The following MICAL1 variants were observed in gnomAD, a reference collection of about 807,000 sequenced individuals.
MICAL1 encodes microtubule associated monooxygenase, calponin and LIM domain containing 1, also known as [F-actin]-monooxygenase MICAL1.
In MICAL1, 95 loss-of-function variants were observed where a neutral mutation model predicts 131.8. The observed-to-expected ratio is 0.72, with a 90% CI of 0.61 to 0.86. The LOEUF (loss-of-function observed/expected upper bound fraction) is 0.86, where lower values mean the gene tolerates loss of function less well. Among genes scored for constraint, MICAL1 ranks in the 40% least tolerant of loss-of-function variants. The pLI is 0.00. For missense variants in MICAL1, 1,292 were observed against 1,380.6 expected, an observed-to-expected ratio of 0.94 and a Z score of 1.02; for synonymous variants, 546 against 554.2, an observed-to-expected ratio of 0.99 and a Z score of 0.21.
Position 109,453,737 on chromosome 6 carries a change from T to C in MICAL1, c.367A>G (p.Asn123Asp), listed in dbSNP as rs199816639. 13 of 1,613,774 alleles carry C rather than the reference T, an allele frequency of 8.1e-6. 1 individual carries two copies. In the Admixed American group the frequency reaches 8.3e-5, roughly 10 times the overall value. Residue 123 changes from asparagine (N) to aspartate (D), a missense_variant, in exon 3 of 25, where the codon AAC (asparagine) becomes GAC (aspartate). Transcript: ENST00000358807. ...VEKRTKFSRH[N>D]VLHLWPFTIH... The stretch of plus-strand genomic sequence containing the variant: ...GTGAAGGGCCAGAGGTGGAGCACGT[T>C]GTGGCGAGAGAACTTGGTGCGCTTT...
rs1775718047 is a variant in MICAL1, at chr6:109,455,664, C to A, written c.-44+55G>T. On this transcript the variant is annotated intron_variant, in intron 1 of 24. Coordinates refer to ENST00000358807, the MANE Select transcript of MICAL1 (RefSeq NM_022765.4). The surrounding 1 kb of genome is among the most constrained non-coding windows in gnomAD (Gnocchi z 4.7). ...AGCTGCGTTTCCCCGGAAGCGCACCCCACCTCACCCCACCCGGCCGCGGGG... is the reference window on the plus strand; with the variant it reads ...AGCTGCGTTTCCCCGGAAGCGCACCACACCTCACCCCACCCGGCCGCGGGG... The A allele has an allele frequency of 2.0e-6, 2 of 981,214 alleles. No individual in the cohort carries two copies. The highest frequency in any genetic ancestry group is 9.4e-5 in the South Asian group (2 of 21,212). The allele number at this position is 981,214 out of a possible 1,614,324, so 60.8% of individuals were successfully genotyped here.
At chr6:109,454,261 G>A in intron 1 of MICAL1, 22 bp from the exon 2 acceptor site, 4 of 1,534,430 alleles carry the variant, frequency 2.6e-6, no homozygotes, top group Non-Finnish European at 3.5e-6. Flanking sequence ...GAAAAAGAAG[G>A]GGAAGAGGCT....
chr6:109,448,454 G>T, intron 12 of MICAL1, 61 bp from the exon 13 acceptor site: 1 of 1,580,884 alleles, frequency 6.3e-7, no homozygotes, highest in Non-Finnish European at 8.6e-7. Context: ...CTGAGGGGAG[G>T]AAGGGCAGCA....
At chr6:109,449,358 A>G in intron 11 of MICAL1, 42 bp downstream of exon 11, 1 of 1,569,346 alleles carries the variant, frequency 6.4e-7, no homozygotes, top group East Asian at 2.2e-5. Context: ...CTCGCTGGGT[A>G]GTACATATTT....
rs768540638 is a variant in MICAL1, at chr6:109,448,387, G to GGGTT, written c.1667_1670dup (p.Ser558ThrfsTer23). On this transcript the variant is annotated frameshift_variant, in exon 13 of 25. Coordinates refer to ENST00000358807, the MANE Select transcript of MICAL1 (RefSeq NM_022765.4). LOFTEE classifies it high-confidence loss of function. ...GAGCTCCCAGCCCCTGCAGCTCTGA[G>GGGTT]GGTTCCCTGTGGGATGTCAGGGAGA... The GGGTT allele has an allele frequency of 1.9e-5, 30 of 1,613,356 alleles. No homozygotes were observed. The highest frequency in any genetic ancestry group is 6.6e-5 in the South Asian group (6 of 91,092).
In MICAL1 at chr6:109,454,017, G is replaced by A. The variant is rs1775649924; in HGVS notation, c.180C>T (p.Ala60=). 1.2e-6 allele frequency: 2 copies of A among 1,614,054 alleles called. No individual in the cohort carries two copies. Among genetic ancestry groups the A allele is most frequent in the Admixed American group, 1.7e-5 (1 of 60,018 alleles). ...TGTCCAGCTTGGTCCACAGTGACTT[G>A]GCGCTCCAGTAGTTGAGCTGGTCCT... The part of the protein sequence containing the change: ...KIKDQLNYWS[A]KSLWTKLDKR... Residue 60 remains alanine, a synonymous_variant, in exon 2 of 25, where the codon GCC becomes GCT. Transcript: ENST00000358807.
chr6:109,455,570 G>A lies in MICAL1; in HGVS notation c.-44+149C>T. 1.3e-5 allele frequency: 6 copies of A among 453,358 alleles called. No homozygotes were observed. The highest frequency in any genetic ancestry group is 1.8e-5 in the Non-Finnish European group (6 of 342,796). 28.1% of individuals were successfully genotyped at this position (453,358 alleles called of 1,614,324 possible). A position where few individuals can be genotyped will look rare whatever the true frequency, so the allele number is the denominator to read the frequency against. On this transcript the variant is annotated intron_variant, in intron 1 of 24. Coordinates refer to ENST00000358807, the MANE Select transcript of MICAL1 (RefSeq NM_022765.4). The surrounding 1 kb of genome is among the most constrained non-coding windows in gnomAD (Gnocchi z 4.7). ...CGACACTGGACGGCAAAGTCCGGAC[G>A]CGGCGTGAGCAGGGCTGGGCTGAGG...
chr6:109,449,006 C>T lies in MICAL1; in HGVS notation c.1517-127G>A, dbSNP rs1775384192. ...TCAGGGACCCACCTCTACTAGGGCA[C>T]CAGCCTAAAGCTGACTATCAGCAGC... is the stretch of plus-strand genomic sequence containing the variant. On this transcript the variant is annotated intron_variant, in intron 11 of 24. Transcript: ENST00000358807. The T allele has an allele frequency of 1.5e-5, 19 of 1,292,560 alleles. No individual in the cohort carries two copies. The South Asian group carries it at 1.8e-4, about 12-fold the overall frequency. 80.1% of individuals were successfully genotyped at this position (1,292,560 alleles called of 1,614,324 possible).
chr6:109,455,874 C>T (rs566170436), upstream of MICAL1: 2,594 of 985,502 alleles, frequency 2.6e-3, 8 homozygotes, highest in Non-Finnish European at 3.0e-3. This position sits in a 1 kb window ranked among gnomAD's most constrained non-coding sequence, Gnocchi z 4.7. Flanking sequence ...TGGAGTCGCG[C>T]GGAGTGTGGG....
Position 109,450,494 on chromosome 6 carries a change from A to C in MICAL1, c.997T>G (p.Phe333Val). ...ANVVPEALQR[F>V]TRAAADFATH... ...GCAAAGTCAGCAGCTGCCCGGGTAA[A>C]GCGCTGCAGAGCCTCGGGCACCACA... Residue 333 changes from phenylalanine to valine, a missense_variant, in exon 8 of 25, where the codon TTT becomes GTT. Transcript: ENST00000358807. 1.2e-6 allele frequency: 2 copies of C among 1,613,140 alleles called. No homozygotes were observed. Among genetic ancestry groups the C allele is most frequent in the Non-Finnish European group, 1.7e-6 (2 of 1,179,894 alleles).
Position 109,454,459 on chromosome 6 carries a change from T to C in MICAL1, c.-43-220A>G, listed in dbSNP as rs528951597. ...TGCCAAATTTGGAAGTGAAAAACAT[T>C]AGTCTTGGGCACAGAGGGCACATGG... On this transcript the variant is annotated intron_variant, in intron 1 of 24. Transcript: ENST00000358807. Among the ~76,000 whole-genome samples the C allele has an allele frequency of 1.9e-4, 29 of 152,144 alleles. No individual in the cohort carries two copies. The South Asian group carries it at 5.8e-3, about 30-fold the overall frequency.
chr6:109,456,313 C>G (rs1775745269), upstream of MICAL1, among the ~76,000 whole-genome samples: 1 of 152,252 alleles, frequency 6.6e-6, no homozygotes, highest in Non-Finnish European at 1.5e-5. Context: ...GGCGCCGGAA[C>G]GTCTGCGCTC....
At position 109,448,225 on chromosome 6, in the gene MICAL1, G is replaced by A; in HGVS notation, c.1833C>T (p.Phe611=). Residue 611 remains phenylalanine, a synonymous_variant, in exon 13 of 25, where the codon TTC becomes TTT. Coordinates refer to ENST00000358807, the MANE Select transcript of MICAL1 (RefSeq NM_022765.4). ...IAYLSHFHSA[F]KSMAHSPGPV... is the part of the protein sequence containing the mutation. Reference sequence around the variant, plus strand: ...CACCTGGGCTGTGGGCCATGCTCTTGAAGGCACTGTGGAAGTGGCTGAGGT... The same window carrying A: ...CACCTGGGCTGTGGGCCATGCTCTTAAAGGCACTGTGGAAGTGGCTGAGGT... 1 of 1,612,832 alleles carries A rather than the reference G, an allele frequency of 6.2e-7. No homozygotes were observed. Among genetic ancestry groups the A allele is most frequent in the Non-Finnish European group, 8.5e-7 (1 of 1,179,968 alleles).
intron 6 of MICAL1, 95 bp from the exon 7 acceptor site, chr6:109,451,795 C>G: frequency 6.5e-7 from 1 of 1,547,014 alleles, no homozygotes; most frequent in Non-Finnish European, 8.7e-7. Context: ...GAGCTGGGAT[C>G]CCAGCTTAGG....
chr6:109,453,731 G>A lies in MICAL1; in HGVS notation c.373C>T (p.Leu125Phe). ...KRTKFSRHNVLHLWPFTIHDL... is the reference protein window; with the variant it reads ...KRTKFSRHNVFHLWPFTIHDL... ...TGGATGGTGAAGGGCCAGAGGTGGA[G>A]CACGTTGTGGCGAGAGAACTTGGTG... The change falls in exon 3 of 25, where the codon CTC becomes TTC. Residue 125 changes from leucine (L) to phenylalanine (F), a missense_variant. By Grantham distance (22) the Leu-to-Phe change is conservative. Transcript: ENST00000358807. 6.2e-7 allele frequency: 1 copy of A among 1,613,882 alleles called. No homozygotes were observed. The highest frequency in any genetic ancestry group is 8.5e-7 in the Non-Finnish European group (1 of 1,180,016).
In MICAL1 at chr6:109,450,518, C is replaced by T. The variant is rs1344640261; in HGVS notation, c.973G>A (p.Val325Met). The change falls in exon 8 of 25, where the codon GTG becomes ATG. Residue 325 changes from valine (V) to methionine (M), a missense_variant. Transcript: ENST00000358807. ...DTNRLLGSAN[V>M]VPEALQRFTR... ...AAGCGCTGCAGAGCCTCGGGCACCA[C>T]ATTGGCACTGCCCAGCAGCCGATTG... 4 of 1,612,136 alleles carry T rather than the reference C, an allele frequency of 2.5e-6. No individual in the cohort carries two copies. The highest frequency in any genetic ancestry group is 3.4e-6 in the Non-Finnish European group (4 of 1,179,292).
At chr6:109,461,581 AAAAAG>A (rs1378922918) in intron 1 of MICAL1, among the ~76,000 whole-genome samples, 2 of 152,146 alleles carry the variant, frequency 1.3e-5, no homozygotes. Context: ...CTCCACTTAA[AAAAAG>A]AAAAAAGTAT....
intron 15 of MICAL1, 33 bp from the exon 16 acceptor site, chr6:109,447,473 G>C (rs1011275519): frequency 1.3e-6 from 2 of 1,595,472 alleles, no homozygotes; most frequent in African/African-American, 2.7e-5. Context: ...AGGGAGGGTA[G>C]AGGGGCAGGG....
rs780996390 is a variant in MICAL1, at chr6:109,450,369, ACT to A, written c.1120_1121del (p.Ser374PhefsTer41). 1.5e-5 allele frequency: 24 copies of A among 1,612,538 alleles called. No homozygotes were observed. The highest frequency in any genetic ancestry group is 2.7e-5 in the African/African-American group (2 of 74,844). On this transcript the variant is annotated frameshift_variant, in exon 8 of 25. Transcript: ENST00000358807. LOFTEE classifies it high-confidence loss of function. ...CATGCTTCTCTTGCACACGAGCAGA[ACT>A]CTCTGCCCGCATCATGCTCGTGAAG... ...FDFTSMMRAE[S>X]SARVQEKHGA...
Sources: allele counts gnomAD v4.1 joint callset (sites outside exome capture counted in the v4.1 genomes callset), GRCh38; gene constraint gnomAD v4.1.1; non-coding constraint Gnocchi (gnomAD v3.1); transcripts MANE v1.5; gene names NCBI Gene and HGNC (gene_info 2026-07-23, HGNC 2026-07-21).